Variants in AGPS observed in about 807,000 individuals in gnomAD.
AGPS encodes alkyldihydroxyacetonephosphate synthase, peroxisomal.
A neutral mutation model predicts 90.7 loss-of-function variants in AGPS; 26 were observed. The ratio of observed to expected loss-of-function variants is 0.29; its 90% CI spans 0.21 to 0.40. The LOEUF is 0.40. Ranked by LOEUF, AGPS falls within the 10% of genes least tolerant of loss-of-function variation. The pLI is 1.00. For synonymous variants in AGPS, 294 were observed against 285.3 expected (o/e 1.03, Z -0.31); for missense variants, 540 against 816.1 (o/e 0.66, Z 4.12).
intron 19 of AGPS, among the ~76,000 whole-genome samples, chr2:177,528,735 T>A (rs922987441): frequency 6.6e-6 from 1 of 151,888 alleles, no homozygotes; most frequent in Admixed American, 6.6e-5. Flanking sequence ...TTCAACATCA[T>A]AAATGCTCAA....
intron 10 of AGPS, among the ~76,000 whole-genome samples, chr2:177,476,277 A>G (rs974789095): frequency 1.3e-4 from 20 of 151,958 alleles, no homozygotes; most frequent in African/African-American, 4.8e-4. Context: ...AGGCTATTTG[A>G]GATTTAAAAA....
At chr2:177,474,376 G>T (rs1238469468) in intron 10 of AGPS, among the ~76,000 whole-genome samples, 2 of 152,098 alleles carry the variant, frequency 1.3e-5, no homozygotes, top group Non-Finnish European at 2.9e-5. Flanking sequence ...AAAGCTCTCA[G>T]CAAAAAAAGG....
chr2:177,519,173 A>C lies in AGPS; in HGVS notation c.1698-2096A>C, dbSNP rs182066500. 3.0e-3 allele frequency among the ~76,000 whole-genome samples: 450 copies of C among 151,970 alleles called. 2 individuals carry two copies. The highest frequency in any genetic ancestry group is 6.8e-3 in the Middle Eastern group (2 of 292). ...TCATTTTTCCCTGCTTTTTTCCCTT[A>C]ATCTTTTTGTTCATCTGGTTCCTCT... On this transcript the variant is annotated intron_variant, in intron 17 of 19. Coordinates refer to ENST00000264167, the MANE Select transcript of AGPS (RefSeq NM_003659.4).
Position 177,409,165 on chromosome 2 carries a change from AT to A in AGPS, c.261-11093del, listed in dbSNP as rs957572620. Among the ~76,000 whole-genome samples, 547 of 147,614 alleles carry A rather than the reference AT, an allele frequency of 3.7e-3. 4 individuals carry two copies. Among genetic ancestry groups the A allele is most frequent in the African/African-American group, 0.012 (478 of 40,350 alleles). Reference sequence around the variant, plus strand: ...CTTAAAGTAGAAGGGGCTACTGCTGATTTTTTTTTTTAATCATTATTTTAAG... The same window carrying A: ...CTTAAAGTAGAAGGGGCTACTGCTGATTTTTTTTTTAATCATTATTTTAAG... On this transcript the variant is annotated intron_variant, in intron 1 of 19. Coordinates refer to ENST00000264167, the MANE Select transcript of AGPS (RefSeq NM_003659.4).
At chr2:177,484,034 A>G (rs1209962210) in intron 11 of AGPS, among the ~76,000 whole-genome samples, 3 of 151,044 alleles carry the variant, frequency 2.0e-5, no homozygotes, top group Middle Eastern at 3.4e-3. Flanking sequence ...TTAAATGACC[A>G]GAAGTTCACT....
chr2:177,466,814 G>A (rs1475778883), intron 9 of AGPS, among the ~76,000 whole-genome samples: 1 of 152,198 alleles, frequency 6.6e-6, no homozygotes, highest in Non-Finnish European at 1.5e-5. Context: ...GGGGCTGGGG[G>A]CTTCCCAGGC....
intron 10 of AGPS, among the ~76,000 whole-genome samples, chr2:177,470,342 G>A (rs995885911): frequency 2.6e-5 from 4 of 152,170 alleles, no homozygotes; most frequent in Admixed American, 6.5e-5. Context: ...GGCTACCTCC[G>A]TAGGTAGTCA....
intron 8 of AGPS, among the ~76,000 whole-genome samples, chr2:177,459,843 C>T (rs182231916): frequency 2.6e-5 from 4 of 152,274 alleles, no homozygotes; most frequent in Admixed American, 2.6e-4. Flanking sequence ...ATAAATCAGC[C>T]TACGATAAAG....
chr2:177,482,031 C>G, intron 10 of AGPS, 28 bp from the exon 11 acceptor site: 1 of 1,573,328 alleles, frequency 6.4e-7, no homozygotes, highest in African/African-American at 1.4e-5. Context: ...ATGTGATGTA[C>G]TGGATTATTC....
In AGPS at chr2:177,521,368, G is replaced by A. The variant is rs1320129912; in HGVS notation, c.1797G>A (p.Glu599=). ...SDPLTVFEQT[E]AAAREEILAN... is the part of the protein sequence containing the mutation. ...CACTGACCGTATTTGAACAAACTGA[G>A]GTAATTTTGCATACCTGCATATAGC... The change falls in exon 18 of 20, where the codon GAG becomes GAA. Residue 599 remains glutamate (E), a splice_region_variant and synonymous_variant. Coordinates refer to ENST00000264167, the MANE Select transcript of AGPS (RefSeq NM_003659.4). The A allele has an allele frequency of 1.2e-6, 2 of 1,610,348 alleles. No homozygotes were observed. Among genetic ancestry groups the A allele is most frequent in the Non-Finnish European group, 1.7e-6 (2 of 1,176,680 alleles).
intron 1 of AGPS, among the ~76,000 whole-genome samples, chr2:177,409,251 C>G (rs1254391851): frequency 2.0e-5 from 3 of 150,930 alleles, no homozygotes; most frequent in African/African-American, 7.3e-5. Context: ...CTCACAATTG[C>G]AAGATTTAAG....
At chr2:177,462,708 T>C (rs1687335047) in intron 9 of AGPS, among the ~76,000 whole-genome samples, 1 of 152,030 alleles carries the variant, frequency 6.6e-6, no homozygotes, top group African/African-American at 2.4e-5. Context: ...ATACAAAAAA[T>C]ATAGTAGAAC....
intron 16 of AGPS, among the ~76,000 whole-genome samples, chr2:177,511,150 G>A (rs974739135): frequency 2.0e-5 from 3 of 152,152 alleles, no homozygotes; most frequent in Admixed American, 6.5e-5. Context: ...CCAGGCCAGA[G>A]TGCAGTGACG....
chr2:177,515,164 A>G (rs1688985791), intron 17 of AGPS, among the ~76,000 whole-genome samples: 1 of 151,590 alleles, frequency 6.6e-6, no homozygotes, highest in Non-Finnish European at 1.5e-5. Context: ...ATTTATTTTA[A>G]ATTTGGGGGT....
intron 3 of AGPS, among the ~76,000 whole-genome samples, chr2:177,435,576 AT>A (rs1019842490): frequency 1.3e-4 from 20 of 151,474 alleles, no homozygotes; most frequent in African/African-American, 4.6e-4. Context: ...CAGGGTCAAA[AT>A]TTTTTTTTCT....
intron 8 of AGPS, among the ~76,000 whole-genome samples, chr2:177,459,394 A>C (rs1687218977): frequency 6.6e-6 from 1 of 152,262 alleles, no homozygotes; most frequent in East Asian, 1.9e-4. Context: ...AACCTACAGA[A>C]TGGGAGAAAA....
At chr2:177,502,521 A>T (rs1450445170) in intron 14 of AGPS, among the ~76,000 whole-genome samples, 1 of 148,992 alleles carries the variant, frequency 6.7e-6, no homozygotes, top group African/African-American at 2.5e-5. Flanking sequence ...GGCTCAAAGG[A>T]TCCTTCCTCT....
At position 177,477,595 on chromosome 2, in the gene AGPS, A is replaced by T. The variant is rs181886142; in HGVS notation, c.1106-4464A>T. On this transcript the variant is annotated intron_variant, in intron 10 of 19. Transcript: ENST00000264167. ...GTATAATGCATATATTCCAAGATTTAAAAAAATCCCAAATTGAAAACACAT... is the reference window on the plus strand; with the variant it reads ...GTATAATGCATATATTCCAAGATTTTAAAAAATCCCAAATTGAAAACACAT... Among the ~76,000 whole-genome samples, 633 of 152,282 alleles carry T rather than the reference A, an allele frequency of 4.2e-3. 5 individuals carry two copies. Among genetic ancestry groups the T allele is most frequent in the East Asian group, 0.032 (167 of 5,188 alleles).
At chr2:177,494,529 A>G (rs1280086932) in intron 12 of AGPS, among the ~76,000 whole-genome samples, 5 of 152,236 alleles carry the variant, frequency 3.3e-5, no homozygotes, top group African/African-American at 7.2e-5. Context: ...GTTGTAAACA[A>G]TGTTAGACCT....
Sources: gnomAD v4.1 joint callset for allele counts (sites outside exome capture counted in the v4.1 genomes callset) on GRCh38, gnomAD v4.1.1 for gene constraint, MANE v1.5 for transcripts, NCBI Gene and HGNC (gene_info 2026-07-23, HGNC 2026-07-21) for gene names.